CPQ: variants seen among roughly 807,000 people sequenced by gnomAD.
The protein encoded by CPQ is Ser-Met dipeptidase.
CPQ carries 37 observed loss-of-function variants against 45.7 expected under a neutral mutation model. That is an observed-to-expected ratio of 0.81 (90% confidence interval 0.62 to 1.07). CPQ has a LOEUF of 1.07. Among genes scored for constraint, CPQ ranks in the 50% least tolerant of loss-of-function variants. The pLI, the probability that CPQ is intolerant of heterozygous loss-of-function variation, is 0.00. For synonymous variants in CPQ, 186 were observed against 205.8 expected (o/e 0.90, Z 0.82); for missense variants, 537 against 572.9 (o/e 0.94, Z 0.64).
At chr8:96,731,851 A>G (rs1456546622) in intron 1 of CPQ, among the ~76,000 whole-genome samples, 2 of 152,076 alleles carry the variant, frequency 1.3e-5, no homozygotes, top group Non-Finnish European at 2.9e-5. Flanking sequence ...ATTCTTCCCT[A>G]TTTTTTTGTT....
intron 4 of CPQ, among the ~76,000 whole-genome samples, chr8:96,918,385 C>T (rs1026512123): frequency 6.6e-6 from 1 of 152,054 alleles, no homozygotes; most frequent in Non-Finnish European, 1.5e-5. Context: ...ATTAAATCAA[C>T]ATTTAGTGTT....
At chr8:97,122,372 G>T (rs1244253073) in intron 7 of CPQ, among the ~76,000 whole-genome samples, 1 of 152,012 alleles carries the variant, frequency 6.6e-6, no homozygotes, top group African/African-American at 2.4e-5. Context: ...AAGACAATGG[G>T]TGACATCTTT....
At chr8:96,896,400 T>C (rs1420710954) in intron 4 of CPQ, among the ~76,000 whole-genome samples, 2 of 152,174 alleles carry the variant, frequency 1.3e-5, no homozygotes, top group Non-Finnish European at 2.9e-5. Context: ...CTGCCTATTT[T>C]CTAGAGTCTT....
chr8:97,046,874 G>A (rs1038719958), intron 6 of CPQ, among the ~76,000 whole-genome samples: 1 of 152,188 alleles, frequency 6.6e-6, no homozygotes, highest in Non-Finnish European at 1.5e-5. Context: ...ATTAGGAAAG[G>A]TCAAAGGGAA....
chr8:96,985,552 A>G (rs1032317227), intron 5 of CPQ, among the ~76,000 whole-genome samples: 3 of 152,124 alleles, frequency 2.0e-5, no homozygotes, highest in Admixed American at 2.0e-4. Flanking sequence ...GCATCTGGAG[A>G]AGACAAGAAC....
intron 5 of CPQ, among the ~76,000 whole-genome samples, chr8:96,976,247 CAAAAAAAAA>C (rs55864086): frequency 3.9e-4 from 24 of 60,838 alleles, no homozygotes; most frequent in African/African-American, 3.1e-4. Flanking sequence ...CAATAGCTGA[CAAAAAAAAA>C]AAAAAAAAAA....
chr8:96,785,249 G>C lies in CPQ; in HGVS notation c.352G>C (p.Glu118Gln). The change falls in exon 2 of 8, where the codon GAA (glutamate) becomes CAA (glutamine). Residue 118 changes from glutamate (E) to glutamine (Q), a missense_variant. By Grantham distance (29) the Glu-to-Gln change is conservative. Transcript: ENST00000220763. The stretch of plus-strand genomic sequence containing the variant: ...AATACCCCACTGGGAGAGGGGAGAA[G>C]AATCAGCTGTGATGCTGGAGCCAAG... ...VRIPHWERGEESAVMLEPRIH... is the reference protein window; with the variant it reads ...VRIPHWERGEQSAVMLEPRIH... 6.2e-7 allele frequency: 1 copy of C among 1,613,622 alleles called. No homozygotes were observed. Among genetic ancestry groups the C allele is most frequent in the Non-Finnish European group, 8.5e-7 (1 of 1,179,756 alleles).
At chr8:96,911,960 G>A (rs3922786) in intron 4 of CPQ, among the ~76,000 whole-genome samples, 3,126 of 152,236 alleles carry the variant, frequency 0.021, 84 homozygotes, top group African/African-American at 0.061. Flanking sequence ...GTGATGTCAA[G>A]TAAGTTCTCA....
intron 6 of CPQ, among the ~76,000 whole-genome samples, chr8:97,043,315 C>CT (rs566265877): frequency 2.5e-3 from 372 of 150,784 alleles, no homozygotes; most frequent in African/African-American, 8.6e-3. Context: ...CAACCCCTGC[C>CT]TTTTTTTGTT....
intron 1 of CPQ, among the ~76,000 whole-genome samples, chr8:96,772,324 G>A (rs1268472508): frequency 2.0e-5 from 3 of 152,014 alleles, no homozygotes; most frequent in Non-Finnish European, 4.4e-5. Flanking sequence ...AAAGAGTGAG[G>A]TGTCCAAAAT....
intron 5 of CPQ, among the ~76,000 whole-genome samples, chr8:96,968,684 T>C (rs1208112786): frequency 6.6e-6 from 1 of 152,240 alleles, no homozygotes; most frequent in African/African-American, 2.4e-5. Context: ...CGTGTTAACT[T>C]GAAGAGCTGG....
intron 2 of CPQ, among the ~76,000 whole-genome samples, chr8:96,803,947 T>C (rs1811042268): frequency 6.6e-6 from 1 of 152,110 alleles, no homozygotes; most frequent in South Asian, 2.1e-4. Flanking sequence ...GTCAAGGTGA[T>C]GATGATACAC....
intron 2 of CPQ, among the ~76,000 whole-genome samples, chr8:96,816,526 T>C (rs1811230959): frequency 6.6e-6 from 1 of 152,156 alleles, no homozygotes. Context: ...CCATAAATCA[T>C]GAATATTCTT....
chr8:96,886,647 T>C (rs185906361), intron 4 of CPQ, among the ~76,000 whole-genome samples: 2 of 152,268 alleles, frequency 1.3e-5, no homozygotes, highest in Non-Finnish European at 1.5e-5. Flanking sequence ...ACACAGCAAA[T>C]ATGTGGTACA....
At chr8:97,076,491 G>T (rs557037473) in intron 7 of CPQ, among the ~76,000 whole-genome samples, 5 of 152,056 alleles carry the variant, frequency 3.3e-5, no homozygotes, top group Non-Finnish European at 5.9e-5. Flanking sequence ...TTCCAATAAG[G>T]TTCAAACAAT....
intron 4 of CPQ, among the ~76,000 whole-genome samples, chr8:96,885,980 GAA>G (rs36090013): frequency 6.7e-6 from 1 of 149,472 alleles, no homozygotes; most frequent in South Asian, 2.1e-4. Context: ...CATCTCAACA[GAA>G]AAAAAAAAGC....
chr8:97,137,625 G>A (rs577557152), intron 7 of CPQ, among the ~76,000 whole-genome samples: 144 of 152,316 alleles, frequency 9.5e-4, no homozygotes, highest in South Asian at 1.9e-3. Flanking sequence ...TGTGCTGTGA[G>A]TTCATGGCAT....
At chr8:96,737,185 G>A (rs1253530115) in intron 1 of CPQ, among the ~76,000 whole-genome samples, 1 of 148,136 alleles carries the variant, frequency 6.8e-6, no homozygotes, top group African/African-American at 2.5e-5. Context: ...CTAAGTTGAA[G>A]GTTGTATTAG....
chr8:97,050,259 A>G (rs1810337713), intron 6 of CPQ, among the ~76,000 whole-genome samples: 1 of 152,236 alleles, frequency 6.6e-6, no homozygotes, highest in Non-Finnish European at 1.5e-5. Flanking sequence ...ATGGACTGTA[A>G]TTTAAAATTT....
Sources: allele counts gnomAD v4.1 joint callset (sites outside exome capture counted in the v4.1 genomes callset), GRCh38; gene constraint gnomAD v4.1.1; transcripts MANE v1.5; gene names NCBI Gene and HGNC (gene_info 2026-07-23, HGNC 2026-07-21).